PAM: variants seen among roughly 807,000 people sequenced by gnomAD.
PAM encodes the protein peptidyl-glycine alpha-amidating monooxygenase.
Under a neutral mutation model 122.1 loss-of-function variants are expected in PAM, and 72 were observed. The observed-to-expected ratio is 0.59, with a 90% confidence interval of 0.49 to 0.72. The LOEUF (loss-of-function observed/expected upper bound fraction) is 0.72. Among genes scored for constraint, PAM ranks in the 30% least tolerant of loss-of-function variants. The pLI is 0.00. For missense variants in PAM, 1,106 were observed against 1,183.7 expected (o/e 0.93, Z 0.96); for synonymous variants, 389 against 404.4 (o/e 0.96, Z 0.46).
At chr5:102,878,893 G>T (rs1790059278) in intron 3 of PAM, among the ~76,000 whole-genome samples, 1 of 151,764 alleles carries the variant, frequency 6.6e-6, no homozygotes, top group Non-Finnish European at 1.5e-5. Flanking sequence ...GTAAGCTAAG[G>T]TTGATTTATT....
intron 1 of PAM, among the ~76,000 whole-genome samples, chr5:102,844,849 T>C (rs1779576813): frequency 6.6e-6 from 1 of 152,206 alleles, no homozygotes; most frequent in South Asian, 2.1e-4. Flanking sequence ...TCACAACCCA[T>C]GCCACCTTCC....
intron 15 of PAM, 91 bp downstream of exon 15, chr5:102,974,527 A>G: frequency 7.6e-6 from 6 of 787,092 alleles, no homozygotes; most frequent in Non-Finnish European, 1.2e-5. Flanking sequence ...AATGGGTGAA[A>G]AAATTCATCA....
At chr5:103,009,666 A>C (rs1780041900) in intron 20 of PAM, 85 bp from the exon 21 acceptor site, 1 of 769,424 alleles carries the variant, frequency 1.3e-6, no homozygotes, top group Non-Finnish European at 2.3e-6. Context: ...CCCTAAATTT[A>C]TTCTTTGCAT....
At chr5:102,836,303 A>T (rs1308032161) in intron 1 of PAM, among the ~76,000 whole-genome samples, 1 of 152,196 alleles carries the variant, frequency 6.6e-6, no homozygotes, top group East Asian at 1.9e-4. Flanking sequence ...AGTATGTGTA[A>T]TATGCAACTG....
intron 14 of PAM, among the ~76,000 whole-genome samples, chr5:102,971,090 C>A (rs1765692895): frequency 6.6e-6 from 1 of 152,158 alleles, no homozygotes; most frequent in African/African-American, 2.4e-5. Context: ...CAGGCATGAG[C>A]CACCGTGCCC....
intron 1 of PAM, among the ~76,000 whole-genome samples, chr5:102,838,036 G>T (rs541169790): frequency 2.8e-4 from 43 of 152,182 alleles, no homozygotes; most frequent in African/African-American, 1.0e-3. Flanking sequence ...GTTGCACATG[G>T]TTTTATTTGT....
chr5:102,826,241 A>G (rs113728478), intron 1 of PAM, among the ~76,000 whole-genome samples: 1,741 of 152,264 alleles, frequency 0.011, 29 homozygotes, highest in African/African-American at 0.04. Context: ...GTTACTCCAT[A>G]TACTTTCTTA....
chr5:102,995,687 C>A (rs1257182379), intron 16 of PAM, among the ~76,000 whole-genome samples: 1 of 151,982 alleles, frequency 6.6e-6, no homozygotes, highest in Non-Finnish European at 1.5e-5. Context: ...ATGTATGATA[C>A]CTAGTTCTTT....
intron 1 of PAM, among the ~76,000 whole-genome samples, chr5:102,771,991 T>C (rs1339479286): frequency 1.3e-5 from 2 of 152,128 alleles, no homozygotes; most frequent in East Asian, 3.9e-4. Context: ...GAAAACCAGC[T>C]TCCTTCTGGC....
At chr5:102,939,472 C>G (rs978864901) in intron 7 of PAM, among the ~76,000 whole-genome samples, 4 of 152,094 alleles carry the variant, frequency 2.6e-5, no homozygotes, top group African/African-American at 9.7e-5. Flanking sequence ...GCCACAGACC[C>G]TTCTACACTG....
chr5:103,021,648 G>A lies in PAM; in HGVS notation c.2485+1805G>A, dbSNP rs1783584786. 3.3e-5 allele frequency among the ~76,000 whole-genome samples: 5 copies of A among 152,246 alleles called. No individual in the cohort carries two copies. In the South Asian group the frequency reaches 1.0e-3, roughly 32 times the overall value. On this transcript the variant is annotated intron_variant, in intron 23 of 25. Transcript: ENST00000438793. Reference sequence around the variant, plus strand: ...TTGCCTTGACAGTCCAGTTTTAATAGTTAACCCAAACTCAAATGAAGTTGT... The same window carrying A: ...TTGCCTTGACAGTCCAGTTTTAATAATTAACCCAAACTCAAATGAAGTTGT...
chr5:102,909,836 T>G (rs1800838480), intron 4 of PAM, among the ~76,000 whole-genome samples: 1 of 151,912 alleles, frequency 6.6e-6, no homozygotes, highest in African/African-American at 2.4e-5. Context: ...TAGTTATCCC[T>G]AATACATACA....
At chr5:102,827,903 G>GAATGTAAAATAAAAATTACAATATCTTT (rs1774163132) in intron 1 of PAM, among the ~76,000 whole-genome samples, 1 of 13,934 alleles carries the variant, frequency 7.2e-5, no homozygotes, top group Admixed American at 8.6e-4. Context: ...AGCCAGGATG[G>GAATGTAAAATAAAAATTACAATATCTTT]TGAAGCTCAC....
rs747065130 is a variant in PAM at position 103,009,764 on chromosome 5, A to G, written c.2229A>G (p.Ala743=). 1 of 1,602,772 alleles carries G rather than the reference A, an allele frequency of 6.2e-7. No homozygotes were observed. Among genetic ancestry groups the G allele is most frequent in the Non-Finnish European group, 8.5e-7 (1 of 1,169,824 alleles). ...AISYIPGLLF[A]VNGKPHFGDQ... is the part of the protein sequence containing the mutation. ...TTGCTGTTGCAGGCTTGCTCTTTGC[A>G]GTGAATGGGAAGCCTCATTTTGGGG... Residue 743 remains alanine (A), a synonymous_variant, in exon 21 of 26, where the codon GCA becomes GCG. Transcript: ENST00000438793.
chr5:102,837,173 TTAAGAATACAG>T (rs1383574433), intron 1 of PAM, among the ~76,000 whole-genome samples: 1 of 152,166 alleles, frequency 6.6e-6, no homozygotes, highest in Non-Finnish European at 1.5e-5. Context: ...TTACTTCCCA[TTAAGAATACAG>T]TAATTATAAT....
chr5:102,757,982 T>C (rs113233975), intron 1 of PAM, among the ~76,000 whole-genome samples: 4,278 of 140,810 alleles, frequency 0.03, 108 homozygotes, highest in East Asian at 0.14. Flanking sequence ...GTTGAGGCTA[T>C]AGTGAGCTGT....
chr5:102,914,950 T>C (rs990494653), intron 5 of PAM, among the ~76,000 whole-genome samples: 1 of 152,142 alleles, frequency 6.6e-6, no homozygotes, highest in African/African-American at 2.4e-5. Context: ...GCCAGAGCTG[T>C]AGCAGATGCT....
intron 4 of PAM, among the ~76,000 whole-genome samples, chr5:102,906,618 G>A (rs890187181): frequency 2.6e-5 from 4 of 151,712 alleles, no homozygotes; most frequent in African/African-American, 4.8e-5. Flanking sequence ...TCTCTTTCCT[G>A]AAGGCTCATC....
At chr5:102,838,529 T>C (rs570011036) in intron 1 of PAM, 24 of 152,320 alleles carry the variant, frequency 1.6e-4, no homozygotes, top group African/African-American at 5.8e-4. Context: ...AAAAACTTAT[T>C]TAAACTCCTG....
Sources: gnomAD v4.1 joint callset for allele counts (sites outside exome capture counted in the v4.1 genomes callset) on GRCh38, gnomAD v4.1.1 for gene constraint, MANE v1.5 for transcripts, NCBI Gene and HGNC (gene_info 2026-07-23, HGNC 2026-07-21) for gene names.